The following TRRAP variants were observed in gnomAD, a reference collection of about 807,000 sequenced individuals.
TRRAP encodes transformation/transcription domain-associated protein.
A neutral mutation model predicts 438.8 loss-of-function variants in TRRAP; 41 were observed. The ratio of observed to expected loss-of-function variants is 0.09; its 90% CI spans 0.07 to 0.12. The LOEUF (loss-of-function observed/expected upper bound fraction) is 0.12. TRRAP is among the 10% of genes least tolerant of loss of function. The pLI is 1.00. For missense variants in TRRAP, 3,122 were observed against 5,055.1 expected (o/e 0.62, Z 11.60); for synonymous variants, 1,994 against 1,962.9 (o/e 1.02, Z -0.42).
chr7:98,990,589 G>A lies in TRRAP; in HGVS notation c.9726G>A (p.Glu3242=), dbSNP rs1793388806. Residue 3242 remains glutamate, a synonymous_variant, in exon 64 of 73, where the codon GAG becomes GAA. Transcript: ENST00000456197. Reference sequence around the variant, plus strand: ...TGCTCACCTGCCTGGTTGGCTCGGAGGGAAAGCTGCTCTTGAACCTCATTA... The same window carrying A: ...TGCTCACCTGCCTGGTTGGCTCGGAAGGAAAGCTGCTCTTGAACCTCATTA... ...PQLLTCLVGS[E]GKLLLNLISQ... 1.2e-6 allele frequency: 2 copies of A among 1,613,922 alleles called. No individual in the cohort carries two copies. Among genetic ancestry groups the A allele is most frequent in the Non-Finnish European group, 1.7e-6 (2 of 1,179,904 alleles).
At chr7:98,922,204 C>T (rs1789828910) in intron 21 of TRRAP, among the ~76,000 whole-genome samples, 1 of 152,136 alleles carries the variant, frequency 6.6e-6, no homozygotes, top group Non-Finnish European at 1.5e-5. Context: ...GCCCATCCCG[C>T]CGTGAACTCC....
intron 3 of TRRAP, among the ~76,000 whole-genome samples, chr7:98,885,253 A>G (rs1436432138): frequency 1.4e-5 from 1 of 73,476 alleles, no homozygotes; most frequent in East Asian, 4.2e-4. Context: ...ATGCTTGGCT[A>G]ATTTTTTTTT....
At chr7:98,923,750 G>A (rs1562943498) in intron 21 of TRRAP, among the ~76,000 whole-genome samples, 1 of 152,164 alleles carries the variant, frequency 6.6e-6, no homozygotes, top group Non-Finnish European at 1.5e-5. Context: ...TGGTGGGGAG[G>A]GCCTCTGTCC....
At chr7:98,928,041 C>G (rs1158638742) in intron 23 of TRRAP, among the ~76,000 whole-genome samples, 12 of 152,128 alleles carry the variant, frequency 7.9e-5, no homozygotes, top group Admixed American at 7.9e-4. Flanking sequence ...GAGTTCGAAA[C>G]CAGCCTGACC....
At chr7:98,965,462 G>A (rs554920712) in intron 48 of TRRAP, among the ~76,000 whole-genome samples, 2 of 152,218 alleles carry the variant, frequency 1.3e-5, no homozygotes, top group South Asian at 2.1e-4. Flanking sequence ...TGGAGAGGCC[G>A]GAGCCACCTG....
Position 98,948,093 on chromosome 7 carries a change from G to A in TRRAP, c.4549-128G>A, listed in dbSNP as rs1791168417. Reference sequence around the variant, plus strand: ...GGCTAGTAAGTTGTGGCTTTTACATGTGAACCCTTCGCTTCACTGCCTAGC... The same window carrying A: ...GGCTAGTAAGTTGTGGCTTTTACATATGAACCCTTCGCTTCACTGCCTAGC... On this transcript the variant is annotated intron_variant, in intron 33 of 72. Coordinates refer to ENST00000456197, the MANE Select transcript of TRRAP (RefSeq NM_001375524.1). This position sits in a 1 kb window ranked among gnomAD's most constrained non-coding sequence, Gnocchi z 4.9. 7.3e-7 allele frequency: 1 copy of A among 1,372,510 alleles called. No homozygotes were observed. The highest frequency in any genetic ancestry group is 1.3e-5 in the South Asian group (1 of 77,022). The allele number at this position is 1,372,510 out of a possible 1,614,324, so 85.0% of individuals were successfully genotyped here.
At position 98,921,857 on chromosome 7, in the gene TRRAP, G is replaced by C; in HGVS notation, c.2727G>C (p.Ser909=). The change falls in exon 21 of 73, where the codon TCG becomes TCC. Residue 909 remains serine (S), a synonymous_variant. Coordinates refer to ENST00000456197, the MANE Select transcript of TRRAP (RefSeq NM_001375524.1). ...GTAACAGGAAGATGCTGAAGGAGTC[G>C]CAGAAGCTGCACTACGTTGTGACCG... ...GGSNRKMLKE[S]QKLHYVVTEV... 1.2e-6 allele frequency: 2 copies of C among 1,614,202 alleles called. No individual in the cohort carries two copies.
chr7:98,930,331 C>G (rs1446914376), intron 24 of TRRAP, 125 bp downstream of exon 24: 21 of 1,231,586 alleles, frequency 1.7e-5, no homozygotes, highest in Non-Finnish European at 2.4e-5. Flanking sequence ...AATCCCAGCA[C>G]TTTGAGAGGC....
chr7:98,963,313 G>A (rs1321798580), intron 47 of TRRAP, among the ~76,000 whole-genome samples: 1 of 152,196 alleles, frequency 6.6e-6, no homozygotes, highest in African/African-American at 2.4e-5. Context: ...GCAGCTGGGT[G>A]CGGAGAGTGA....
chr7:98,910,557 A>C lies in TRRAP; in HGVS notation c.1762A>C (p.Ile588Leu), dbSNP rs781833557. Residue 588 changes from isoleucine (I) to leucine (L), a missense_variant, in exon 16 of 73, where the codon ATT becomes CTT. Physicochemically the swap from Ile to Leu is conservative, Grantham distance 5 (BLOSUM62 2). Transcript: ENST00000456197. ...GCAGTTACAACCCAAAGAGACACAG[A>C]TTTACATCAAACTTGTGAAATATGC... The part of the protein sequence containing the change: ...NKQLQPKETQ[I>L]YIKLVKYAMQ... 2 of 1,613,962 alleles carry C rather than the reference A, an allele frequency of 1.2e-6. No homozygotes were observed. The highest frequency in any genetic ancestry group is 2.2e-5 in the South Asian group (2 of 90,998).
At chr7:98,881,896 T>G in intron 2 of TRRAP, 79 bp from the exon 3 acceptor site, 1 of 1,502,256 alleles carries the variant, frequency 6.7e-7, no homozygotes, top group South Asian at 1.2e-5. Context: ...TTCTCTTAAA[T>G]TACTAAATCC....
chr7:98,909,815 AAGG>A (rs1796981401), intron 14 of TRRAP, among the ~76,000 whole-genome samples: 1 of 152,132 alleles, frequency 6.6e-6, no homozygotes, highest in African/African-American at 2.4e-5. Flanking sequence ...ACGTGGCACA[AAGG>A]AGGTGCCCAG....
chr7:98,976,756 A>G lies in TRRAP; in HGVS notation c.8233A>G (p.Thr2745Ala), dbSNP rs764967265. The change falls in exon 55 of 73, where the codon ACC becomes GCC. Residue 2745 changes from threonine (T) to alanine (A), a missense_variant. This residue lies in a region of TRRAP where 992 missense variants were observed against 1,281.2 expected (regional missense o/e 0.77). Coordinates refer to ENST00000456197, the MANE Select transcript of TRRAP (RefSeq NM_001375524.1). This position sits in a 1 kb window ranked among gnomAD's most constrained non-coding sequence, Gnocchi z 4.6. ...TTEFYEQESI[T>A]PPQQEILDSL... ...GGAGTTTTATGAGCAGGAGAGCATC[A>G]CCCCGCCGCAGCAGGTGAGGGTGCG... 7 of 1,597,162 alleles carry G rather than the reference A, an allele frequency of 4.4e-6. No individual in the cohort carries two copies. The highest frequency in any genetic ancestry group is 2.7e-5 in the African/African-American group (2 of 74,632).
At chr7:98,910,027 C>T (rs201226840) in intron 14 of TRRAP, 29 bp from the exon 15 acceptor site, 109 of 1,531,308 alleles carry the variant, frequency 7.1e-5, no homozygotes, top group Non-Finnish European at 9.4e-5. Flanking sequence ...ATAATTCTGT[C>T]TTCCCTCTTG....
intron 64 of TRRAP, among the ~76,000 whole-genome samples, 167 bp downstream of exon 64, chr7:98,990,786 A>T (rs1395482319): frequency 1.3e-5 from 2 of 152,284 alleles, no homozygotes; most frequent in African/African-American, 4.8e-5. Context: ...AGCATAATTA[A>T]AAGTTATTAA....
intron 67 of TRRAP, among the ~76,000 whole-genome samples, chr7:99,001,335 C>T (rs1261283959): frequency 6.6e-6 from 1 of 152,218 alleles, no homozygotes; most frequent in African/African-American, 2.4e-5. Context: ...TTCATCTCCT[C>T]AGGCTTATTG....
chr7:98,893,010 G>GGT (rs1453892505), intron 5 of TRRAP, among the ~76,000 whole-genome samples: 3 of 151,656 alleles, frequency 2.0e-5, no homozygotes, highest in Non-Finnish European at 4.4e-5. Flanking sequence ...GGAGTGCAGT[G>GGT]GTGTGATCTT....
chr7:99,000,831 A>G (rs970626397), intron 67 of TRRAP, among the ~76,000 whole-genome samples: 2 of 152,098 alleles, frequency 1.3e-5, no homozygotes, highest in African/African-American at 4.8e-5. Flanking sequence ...AGTTTGGGGG[A>G]TCGAAGCCCA....
chr7:98,955,915 G>T (rs1282604581), intron 41 of TRRAP, among the ~76,000 whole-genome samples: 1 of 151,470 alleles, frequency 6.6e-6, no homozygotes, highest in East Asian at 1.9e-4. Flanking sequence ...ATTGTAATGG[G>T]ATGTAATGGG....
Sources: allele counts gnomAD v4.1 joint callset (sites outside exome capture counted in the v4.1 genomes callset), GRCh38; gene constraint gnomAD v4.1.1; regional missense constraint gnomAD v4.1.1; non-coding constraint Gnocchi (gnomAD v3.1); transcripts MANE v1.5; gene names NCBI Gene and HGNC (gene_info 2026-07-23, HGNC 2026-07-21).